Variants in TRIO observed in about 807,000 individuals in gnomAD.
TRIO encodes triple functional domain protein.
TRIO carries 58 observed loss-of-function variants against 351.9 expected under a neutral mutation model. The ratio of observed to expected loss-of-function variants is 0.16; its 90% CI spans 0.13 to 0.21. The LOEUF (loss-of-function observed/expected upper bound fraction) is 0.21. Among genes scored for constraint, TRIO ranks in the 10% least tolerant of loss-of-function variants. The probability of loss-of-function intolerance (pLI) is 1.00; values close to 1 mark genes in which losing one functional copy is unlikely to be tolerated. For missense variants in TRIO, 3,201 were observed against 4,027.8 expected (o/e 0.79, Z 5.56); for synonymous variants, 1,758 against 1,595.7 (o/e 1.10, Z -2.42).
intron 19 of TRIO, 92 bp downstream of exon 19, chr5:14,374,435 T>TAG (rs1745385662): frequency 3.7e-6 from 3 of 804,290 alleles, no homozygotes; most frequent in Non-Finnish European, 5.8e-6. Flanking sequence ...ACTCTCAACT[T>TAG]CAGTTTCATT....
At chr5:14,424,938 C>A (rs1750514310) in intron 34 of TRIO, among the ~76,000 whole-genome samples, 1 of 152,198 alleles carries the variant, frequency 6.6e-6, no homozygotes, top group African/African-American at 2.4e-5. Context: ...ACTGTCTTAG[C>A]AACTTTTTCA....
intron 1 of TRIO, chr5:14,184,060 C>T: frequency 1.5e-6 from 1 of 677,888 alleles, no homozygotes; most frequent in Non-Finnish European, 2.7e-6. Context: ...GGACCTTGAC[C>T]TCAGAGCTCC....
intron 8 of TRIO, among the ~76,000 whole-genome samples, chr5:14,309,887 A>C (rs1376383498): frequency 6.6e-6 from 1 of 151,562 alleles, no homozygotes; most frequent in Non-Finnish European, 1.5e-5. Context: ...TTTTCTCTAC[A>C]ATTTTTTTTC....
At chr5:14,143,983 G>T in intron 1 of TRIO, 101 bp downstream of exon 1, 4 of 902,588 alleles carry the variant, frequency 4.4e-6, no homozygotes, top group Non-Finnish European at 5.4e-6. Flanking sequence ...GCTGGTGCCC[G>T]CCCGTCCGTC....
At chr5:14,480,328 C>T (rs765023317) in intron 43 of TRIO, among the ~76,000 whole-genome samples, 3 of 152,276 alleles carry the variant, frequency 2.0e-5, no homozygotes, top group South Asian at 4.1e-4. Context: ...TTTAAGAAAA[C>T]ACTTCAAACA....
Position 14,280,446 on chromosome 5 carries a change from G to A in TRIO, c.347+10G>A, listed in dbSNP as rs776145357. On this transcript the variant is annotated intron_variant, in intron 3 of 56. Coordinates refer to ENST00000344204, the MANE Select transcript of TRIO (RefSeq NM_007118.4). ...TAGCCTGTATTCCCAGGTAAGTTCT[G>A]TGTGGCTTGTGCTTGTCACTGATGT... 8.1e-6 allele frequency: 13 copies of A among 1,608,792 alleles called. No individual in the cohort carries two copies. The highest frequency in any genetic ancestry group is 6.6e-5 in the South Asian group (6 of 90,974).
At chr5:14,237,198 A>G (rs549562649) in intron 1 of TRIO, among the ~76,000 whole-genome samples, 1 of 152,324 alleles carries the variant, frequency 6.6e-6, no homozygotes, top group East Asian at 1.9e-4. Context: ...AATATGTGCA[A>G]ATACTCCCTG....
At chr5:14,210,631 A>G (rs1791830736) in intron 1 of TRIO, among the ~76,000 whole-genome samples, 1 of 152,018 alleles carries the variant, frequency 6.6e-6, no homozygotes, top group Admixed American at 6.5e-5. Context: ...TCGTGGTTTT[A>G]TGATTGTTTT....
chr5:14,174,427 G>A (rs1027289027), intron 1 of TRIO, among the ~76,000 whole-genome samples: 1 of 152,164 alleles, frequency 6.6e-6, no homozygotes, highest in Non-Finnish European at 1.5e-5. Context: ...TTCTCCCTAG[G>A]GGTCGGCTTT....
In TRIO at chr5:14,290,855, C is replaced by G; in HGVS notation, c.680C>G (p.Ala227Gly). 1 of 1,614,112 alleles carries G rather than the reference C, an allele frequency of 6.2e-7. No individual in the cohort carries two copies. Among genetic ancestry groups the G allele is most frequent in the Non-Finnish European group, 8.5e-7 (1 of 1,180,016 alleles). Residue 227 changes from alanine (A) to glycine (G), a missense_variant, in exon 5 of 57, where the codon GCC becomes GGC. Ala to Gly is a moderately conservative substitution (Grantham distance 60). This residue lies in a region of TRIO where 349 missense variants were observed against 449.3 expected (regional missense o/e 0.78). Transcript: ENST00000344204. Reference sequence around the variant, plus strand: ...GCTTTTGAAGACTACATTAGCAATGCCACCCACATGCTGTCTCGGCTGGAG... The same window carrying G: ...GCTTTTGAAGACTACATTAGCAATGGCACCCACATGCTGTCTCGGCTGGAG... ...RVAFEDYISNATHMLSRLEEL... is the reference protein window; with the variant it reads ...RVAFEDYISNGTHMLSRLEEL...
chr5:14,452,382 C>G (rs1194952254), intron 34 of TRIO, among the ~76,000 whole-genome samples: 2 of 152,206 alleles, frequency 1.3e-5, no homozygotes, highest in East Asian at 3.8e-4. Context: ...CTTTTCCCCC[C>G]AGCAGCCTGG....
chr5:14,378,848 C>T (rs1478635508), intron 20 of TRIO, among the ~76,000 whole-genome samples: 1 of 152,176 alleles, frequency 6.6e-6, no homozygotes, highest in Non-Finnish European at 1.5e-5. Context: ...GCATGAGCCA[C>T]CGCACCTGGC....
At chr5:14,504,287 G>A in intron 54 of TRIO, 106 bp from the exon 55 acceptor site, 2 of 1,277,888 alleles carry the variant, frequency 1.6e-6, no homozygotes, top group Non-Finnish European at 2.2e-6. Flanking sequence ...AGGGCCTCTG[G>A]ACAGGGCTGG....
In TRIO at chr5:14,368,873, G is replaced by C. The variant is rs757047365; in HGVS notation, c.3040G>C (p.Val1014Leu). 1 of 1,614,084 alleles carries C rather than the reference G, an allele frequency of 6.2e-7. No homozygotes were observed. Among genetic ancestry groups the C allele is most frequent in the South Asian group, 1.1e-5 (1 of 91,072 alleles). Residue 1014 changes from valine (V) to leucine (L), a missense_variant, in exon 17 of 57, where the codon GTC becomes CTC. Around this residue, in one of 19 missense-constraint regions of TRIO, gnomAD observed 363 missense variants for 553.5 expected, o/e 0.66. Transcript: ENST00000344204. ...TCGCCTCAAGCTCGTCAACGCCTCTGTCGCTTTCTACAAAACCTCAGAGCA... is the reference window on the plus strand; with the variant it reads ...TCGCCTCAAGCTCGTCAACGCCTCTCTCGCTTTCTACAAAACCTCAGAGCA... ...EDRLKLVNAS[V>L]AFYKTSEQVC... is the part of the protein sequence containing the mutation.
chr5:14,233,695 G>A (rs943315033), intron 1 of TRIO, among the ~76,000 whole-genome samples: 6 of 151,980 alleles, frequency 3.9e-5, no homozygotes, highest in Non-Finnish European at 5.9e-5. Context: ...GCACCACCAC[G>A]CCTGGCTAAT....
chr5:14,268,256 C>T (rs143666836), intron 1 of TRIO, among the ~76,000 whole-genome samples: 1 of 152,314 alleles, frequency 6.6e-6, no homozygotes, highest in African/African-American at 2.4e-5. Flanking sequence ...TATGCTATTC[C>T]TCCTGTGAGA....
chr5:14,252,335 C>T (rs72744279), intron 1 of TRIO, among the ~76,000 whole-genome samples: 20,859 of 152,198 alleles, frequency 0.14, 1,925 homozygotes, highest in East Asian at 0.36. Flanking sequence ...TACTAGACTT[C>T]CTGCCTGCAG....
At chr5:14,248,322 T>G (rs774918521) in intron 1 of TRIO, among the ~76,000 whole-genome samples, 1 of 151,648 alleles carries the variant, frequency 6.6e-6, no homozygotes, top group Non-Finnish European at 1.5e-5. Context: ...AACTGAAATC[T>G]TATAGCATAC....
chr5:14,217,640 A>G (rs936090119), intron 1 of TRIO, among the ~76,000 whole-genome samples: 2 of 152,202 alleles, frequency 1.3e-5, no homozygotes, highest in African/African-American at 4.8e-5. Context: ...ACCTGACTAA[A>G]TTAATGAGAA....
Sources: gnomAD v4.1 joint callset for allele counts (sites outside exome capture counted in the v4.1 genomes callset) on GRCh38, gnomAD v4.1.1 for gene constraint, gnomAD v4.1.1 regional missense constraint, MANE v1.5 for transcripts, NCBI Gene and HGNC (gene_info 2026-07-23, HGNC 2026-07-21) for gene names.